The following TPH2 variants were observed in gnomAD, a reference collection of about 807,000 sequenced individuals.
The protein encoded by TPH2 is tryptophan 5-hydroxylase 2.
In TPH2, 27 loss-of-function variants were observed where a neutral mutation model predicts 59.1. The ratio of observed to expected loss-of-function variants is 0.46; its 90% CI spans 0.34 to 0.63. TPH2 has a LOEUF of 0.63. TPH2 is among the 30% of genes least tolerant of loss of function. TPH2 has a pLI of 0.01. For missense variants in TPH2, 523 were observed against 588.3 expected, an observed-to-expected ratio of 0.89 and a Z score of 1.15; for synonymous variants, 220 against 210.5, an observed-to-expected ratio of 1.05 and a Z score of -0.39.
At chr12:71,957,232 A>G (rs959483049) in intron 5 of TPH2, among the ~76,000 whole-genome samples, 4 of 151,818 alleles carry the variant, frequency 2.6e-5, no homozygotes, top group African/African-American at 9.7e-5. Flanking sequence ...TATTAAATCT[A>G]TGATAGATAT....
intron 8 of TPH2, among the ~76,000 whole-genome samples, chr12:72,012,192 CAACAAT>C (rs1450470769): frequency 1.3e-5 from 2 of 152,138 alleles, no homozygotes; most frequent in African/African-American, 4.8e-5. Flanking sequence ...ACAACAACAA[CAACAAT>C]AACAACAACA....
At chr12:72,013,861 TC>T (rs1050213068) in intron 8 of TPH2, among the ~76,000 whole-genome samples, 19 of 152,246 alleles carry the variant, frequency 1.2e-4, no homozygotes, top group African/African-American at 4.3e-4. Context: ...GCTCTAAGTT[TC>T]TAGCATTTTT....
chr12:72,027,841 G>T (rs1291157513), intron 9 of TPH2, among the ~76,000 whole-genome samples: 2 of 152,148 alleles, frequency 1.3e-5, no homozygotes, highest in East Asian at 3.8e-4. Flanking sequence ...GGGAGGTAAA[G>T]GTGGTGTGAG....
chr12:71,941,377 C>CAACCA (rs1871060188), intron 1 of TPH2, among the ~76,000 whole-genome samples: 1 of 152,068 alleles, frequency 6.6e-6, no homozygotes. Flanking sequence ...TAGATGATGT[C>CAACCA]TTAGACCATT....
At chr12:71,958,801 T>A (rs1871591698) in intron 5 of TPH2, among the ~76,000 whole-genome samples, 1 of 152,238 alleles carries the variant, frequency 6.6e-6, no homozygotes, top group African/African-American at 2.4e-5. Context: ...TTTCTTGATT[T>A]TTTTATTTAT....
At chr12:72,018,943 T>C (rs1368493150) in intron 8 of TPH2, among the ~76,000 whole-genome samples, 1 of 152,188 alleles carries the variant, frequency 6.6e-6, no homozygotes. Context: ...CCTGGGTAAA[T>C]CACTTCATCT....
chr12:71,966,255 T>C (rs1472425368), intron 5 of TPH2, among the ~76,000 whole-genome samples: 1 of 152,142 alleles, frequency 6.6e-6, no homozygotes, highest in Admixed American at 6.5e-5. Flanking sequence ...TAAATCTTTT[T>C]TTTTTTAAAG....
At chr12:71,978,070 A>G (rs1217992967) in intron 6 of TPH2, among the ~76,000 whole-genome samples, 3 of 152,210 alleles carry the variant, frequency 2.0e-5, no homozygotes, top group Non-Finnish European at 4.4e-5. Context: ...TTTGTAGCCT[A>G]GGAGTAGGCT....
chr12:71,968,132 G>T (rs1457246470), intron 5 of TPH2, among the ~76,000 whole-genome samples: 2 of 152,168 alleles, frequency 1.3e-5, no homozygotes, highest in African/African-American at 4.8e-5. Context: ...CCCTGGTTCT[G>T]ACAAATCCCT....
intron 5 of TPH2, among the ~76,000 whole-genome samples, chr12:71,960,695 C>T (rs1871654716): frequency 6.6e-6 from 1 of 152,182 alleles, no homozygotes; most frequent in African/African-American, 2.4e-5. Flanking sequence ...AACATTAACG[C>T]AATATGGTCC....
chr12:71,980,481 A>T (rs146264903), intron 7 of TPH2, among the ~76,000 whole-genome samples: 2 of 152,068 alleles, frequency 1.3e-5, no homozygotes, highest in African/African-American at 4.8e-5. Context: ...CAGTCCAGGT[A>T]GGTCCCTGTC....
Position 71,941,565 on chromosome 12 carries a change from T to C in TPH2, c.106-19T>C. ...CCCTAACTAATATTTTGTTTTATTA[T>C]GCTTCGACATTCCTGAAGCTAAATA... On this transcript the variant is annotated intron_variant, in intron 1 of 10. Transcript: ENST00000333850. 2 of 1,612,622 alleles carry C rather than the reference T, an allele frequency of 1.2e-6. No individual in the cohort carries two copies. Among genetic ancestry groups the C allele is most frequent in the Non-Finnish European group, 1.7e-6 (2 of 1,179,232 alleles).
intron 8 of TPH2, among the ~76,000 whole-genome samples, chr12:72,013,660 G>A (rs1026650233): frequency 1.3e-5 from 2 of 152,192 alleles, no homozygotes; most frequent in African/African-American, 4.8e-5. Context: ...AAACAGGAGA[G>A]ATTTATTATT....
At chr12:71,983,566 C>T (rs1042557413) in intron 7 of TPH2, among the ~76,000 whole-genome samples, 3 of 152,076 alleles carry the variant, frequency 2.0e-5, no homozygotes, top group Non-Finnish European at 4.4e-5. Flanking sequence ...TCCTTTTTGT[C>T]TCTCTGGGAA....
intron 6 of TPH2, among the ~76,000 whole-genome samples, chr12:71,974,967 C>A (rs559132951): frequency 6.6e-6 from 1 of 152,160 alleles, no homozygotes; most frequent in East Asian, 1.9e-4. Context: ...TGTAAAAGGC[C>A]AGTTGGTAAA....
At position 71,941,710 on chromosome 12, in the gene TPH2, G is replaced by A. The variant is rs200000346; in HGVS notation, c.232G>A (p.Val78Ile). ...FSLKNEVGGL[V>I]KALRLFQEKR... Reference sequence around the variant, plus strand: ...CTTGAAGAATGAAGTTGGTGGATTGGTAAAAGCACTGAGGCTCTTTCAGGT... The same window carrying A: ...CTTGAAGAATGAAGTTGGTGGATTGATAAAAGCACTGAGGCTCTTTCAGGT... The change falls in exon 2 of 11, where the codon GTA (valine) becomes ATA (isoleucine). Residue 78 changes from valine (V) to isoleucine (I), a missense_variant. Val to Ile is a conservative substitution (Grantham distance 29, BLOSUM62 3). Transcript: ENST00000333850. The A allele has an allele frequency of 1.1e-5, 18 of 1,614,044 alleles. No homozygotes were observed. Among genetic ancestry groups the A allele is most frequent in the Non-Finnish European group, 5.1e-6 (6 of 1,179,946 alleles).
chr12:71,945,982 T>C (rs924193807), intron 4 of TPH2, among the ~76,000 whole-genome samples: 5 of 152,180 alleles, frequency 3.3e-5, no homozygotes, highest in African/African-American at 7.2e-5. Flanking sequence ...TCACCCATTG[T>C]TATCTTTCCC....
chr12:71,956,502 TC>T (rs1871506543), intron 5 of TPH2, among the ~76,000 whole-genome samples: 2 of 7,296 alleles, frequency 2.7e-4, no homozygotes, highest in Non-Finnish European at 6.7e-4. Context: ...CTTCTTTCCC[TC>T]CCTCCCTCCT....
At chr12:71,980,404 A>G (rs926691495) in intron 7 of TPH2, among the ~76,000 whole-genome samples, 3 of 152,136 alleles carry the variant, frequency 2.0e-5, no homozygotes, top group African/African-American at 7.2e-5. Flanking sequence ...TGATGGTAGT[A>G]GGAGTGAGCA....
Sources: allele counts gnomAD v4.1 joint callset (sites outside exome capture counted in the v4.1 genomes callset), GRCh38; gene constraint gnomAD v4.1.1; transcripts MANE v1.5; gene names NCBI Gene and HGNC (gene_info 2026-07-23, HGNC 2026-07-21).